Variants in SPATA7 observed in about 807,000 individuals in gnomAD.
SPATA7 encodes the protein spermatogenesis-associated protein 7.
In SPATA7, 43 loss-of-function variants were observed where a neutral mutation model predicts 51.8. The observed-to-expected ratio is 0.83, with a 90% CI of 0.65 to 1.07. SPATA7 has a LOEUF of 1.07. Ranked by LOEUF, SPATA7 falls within the 50% of genes least tolerant of loss-of-function variation. The pLI, the probability that SPATA7 is intolerant of heterozygous loss-of-function variation, is 0.00. For synonymous variants in SPATA7, 230 were observed against 252.8 expected, an observed-to-expected ratio of 0.91 and a Z score of 0.86; for missense variants, 683 against 701.3, an observed-to-expected ratio of 0.97 and a Z score of 0.30.
rs191746134 is a variant in SPATA7, at chr14:88,412,570, C to T, written c.239-4141C>T. 8.5e-5 allele frequency among the ~76,000 whole-genome samples: 13 copies of T among 152,276 alleles called. No homozygotes were observed. In the Middle Eastern group the frequency reaches 0.014, roughly 159 times the overall value. On this transcript the variant is annotated intron_variant, in intron 4 of 11. Transcript: ENST00000393545. ...CCCAGATTAAGGGTGGGTCTGCCTT[C>T]CCCAACCCACTGACTCAAATGTTAA...
chr14:88,430,026 T>G (rs1403810406), intron 8 of SPATA7, among the ~76,000 whole-genome samples: 1 of 152,004 alleles, frequency 6.6e-6, no homozygotes, highest in East Asian at 1.9e-4. Context: ...TGTTGAGTAA[T>G]TAAGGAATAT....
chr14:88,409,800 C>T (rs1315900414), intron 4 of SPATA7, among the ~76,000 whole-genome samples: 3 of 152,162 alleles, frequency 2.0e-5, no homozygotes, highest in African/African-American at 7.2e-5. Context: ...TCTTTGTTCT[C>T]ATTGGTTTCA....
rs193138283 is a variant in SPATA7 at position 88,413,607 on chromosome 14, A to G, written c.239-3104A>G. On this transcript the variant is annotated intron_variant, in intron 4 of 11. Transcript: ENST00000393545. ...TTGAATAAGAGTGGTGATAGTGGGCATCCTTATGCTGTTCCAGTTCAAAAG... is the reference window on the plus strand; with the variant it reads ...TTGAATAAGAGTGGTGATAGTGGGCGTCCTTATGCTGTTCCAGTTCAAAAG... Among the ~76,000 whole-genome samples, 374 of 152,294 alleles carry G rather than the reference A, an allele frequency of 2.5e-3. 4 individuals are homozygous for G. The highest frequency in any genetic ancestry group is 8.7e-3 in the African/African-American group (362 of 41,562).
At chr14:88,439,740 G>A (rs1352033680), downstream of SPATA7, among the ~76,000 whole-genome samples, 4 of 151,974 alleles carry the variant, frequency 2.6e-5, no homozygotes, top group Non-Finnish European at 2.9e-5. Context: ...CTCATTCATG[G>A]GATGCTGACC....
intron 9 of SPATA7, chr14:88,432,509 A>G (rs2076968431): frequency 6.6e-6 from 1 of 152,234 alleles, no homozygotes; most frequent in Non-Finnish European, 1.5e-5. Flanking sequence ...GTTATAATAG[A>G]GAAGTGTGTT....
chr14:88,420,757 T>G (rs746925883), intron 5 of SPATA7, among the ~76,000 whole-genome samples: 1 of 152,162 alleles, frequency 6.6e-6, no homozygotes, highest in Non-Finnish European at 1.5e-5. Flanking sequence ...ATTTTATCCA[T>G]AAATATTTGA....
downstream of SPATA7, among the ~76,000 whole-genome samples, chr14:88,443,222 C>T (rs1053812508): frequency 6.6e-6 from 1 of 152,194 alleles, no homozygotes. Context: ...GGATTACAGG[C>T]GTGAGCCACT....
At chr14:88,396,682 C>G (rs2075889522) in intron 4 of SPATA7, among the ~76,000 whole-genome samples, 1 of 152,118 alleles carries the variant, frequency 6.6e-6, no homozygotes, top group Non-Finnish European at 1.5e-5. Flanking sequence ...AGTTGATGGA[C>G]ACTTGAGTTA....
chr14:88,469,400 T>C lies in SPATA7; in HGVS notation c.255-447T>C. ...TGTTAAAACAAGTCCGAAGCTTATA[T>C]GAGATAACATAAAGGAAATATTTCG... On this transcript the variant is annotated intron_variant, in intron 4 of 4. Transcript: ENST00000556406. This position sits in a 1 kb window ranked among gnomAD's most constrained non-coding sequence, Gnocchi z 4.3. 1 of 1,063,794 alleles carries C rather than the reference T, an allele frequency of 9.4e-7. No homozygotes were observed. 65.9% of individuals were successfully genotyped at this position (1,063,794 alleles called of 1,614,324 possible).
At chr14:88,417,857 C>T (rs1341800323) in intron 5 of SPATA7, among the ~76,000 whole-genome samples, 2 of 152,114 alleles carry the variant, frequency 1.3e-5, no homozygotes, top group African/African-American at 4.8e-5. Flanking sequence ...ACTATTTCTT[C>T]TTTCTGTACT....
chr14:88,396,304 A>C, intron 4 of SPATA7, 101 bp downstream of exon 4: 1 of 789,236 alleles, frequency 1.3e-6, no homozygotes, highest in African/African-American at 1.7e-5. Flanking sequence ...TGTCCAGTTC[A>C]ATATTAAGTA....
At chr14:88,407,107 G>T (rs902218578) in intron 4 of SPATA7, among the ~76,000 whole-genome samples, 6 of 152,100 alleles carry the variant, frequency 3.9e-5, no homozygotes, top group Non-Finnish European at 8.8e-5. Flanking sequence ...AGTAGAATGA[G>T]TTATAATCCT....
At chr14:88,413,209 G>T (rs2076388930) in intron 4 of SPATA7, among the ~76,000 whole-genome samples, 2 of 152,146 alleles carry the variant, frequency 1.3e-5, no homozygotes, top group African/African-American at 4.8e-5. Context: ...GTTTGTGTGT[G>T]TCAGCTCTGA....
At chr14:88,439,082 A>C (rs1461537978), downstream of SPATA7, among the ~76,000 whole-genome samples, 1 of 152,186 alleles carries the variant, frequency 6.6e-6, no homozygotes, top group Non-Finnish European at 1.5e-5. Flanking sequence ...AGAGGAAAAC[A>C]TATTTTACCT....
chr14:88,396,223 T>G lies in SPATA7; in HGVS notation c.238+20T>G. ...TAAAGTGTAAGTAATTTTTGGACATTATTACCTTTTTAAAAAAAAATTAAG... is the reference window on the plus strand; with the variant it reads ...TAAAGTGTAAGTAATTTTTGGACATGATTACCTTTTTAAAAAAAAATTAAG... On this transcript the variant is annotated intron_variant, in intron 4 of 11. Transcript: ENST00000393545. 1 of 1,587,794 alleles carries G rather than the reference T, an allele frequency of 6.3e-7. No homozygotes were observed. Among genetic ancestry groups the G allele is most frequent in the Non-Finnish European group, 8.6e-7 (1 of 1,158,712 alleles).
Position 88,470,183 on chromosome 14 carries a change from TCAG to T in SPATA7, c.*320_*322del, listed in dbSNP as rs138920112. On this transcript the variant is annotated 3_prime_UTR_variant, in exon 5 of 5. Transcript: ENST00000556406. ...GTAAAAAAGTAGTAAACTGGATTAT[TCAG>T]CAGAATAAGGAAAGACTTTTCATCT... 2.0e-3 allele frequency: 1,569 copies of T among 766,668 alleles called. 12 individuals carry two copies. In the African/African-American group the frequency reaches 0.023, roughly 11 times the overall value. The allele number at this position is 766,668 out of a possible 1,614,324, so 47.5% of individuals were successfully genotyped here. A position where few individuals can be genotyped will look rare whatever the true frequency, so the allele number is the denominator to read the frequency against.
At chr14:88,455,970 G>A (rs956946690), downstream of SPATA7, among the ~76,000 whole-genome samples, 5 of 148,584 alleles carry the variant, frequency 3.4e-5, no homozygotes, top group Non-Finnish European at 5.9e-5. Flanking sequence ...GTGAGAACAT[G>A]CAGTGTTTGG....
chr14:88,405,348 A>C (rs1224782342), intron 4 of SPATA7, among the ~76,000 whole-genome samples: 1 of 152,222 alleles, frequency 6.6e-6, no homozygotes, highest in Non-Finnish European at 1.5e-5. Flanking sequence ...AGGGTCTTGA[A>C]GAGAGGAGTA....
intron 1 of SPATA7, among the ~76,000 whole-genome samples, chr14:88,390,361 A>G (rs73319875): frequency 0.035 from 5,352 of 151,792 alleles, 305 homozygotes; most frequent in African/African-American, 0.12. Flanking sequence ...ATCGCTTTCT[A>G]TCTTGGTTCC....
Sources: allele counts gnomAD v4.1 joint callset (sites outside exome capture counted in the v4.1 genomes callset), GRCh38; gene constraint gnomAD v4.1.1; non-coding constraint Gnocchi (gnomAD v3.1); transcripts MANE v1.5; gene names NCBI Gene and HGNC (gene_info 2026-07-23, HGNC 2026-07-21).